The following BATF variants were observed in gnomAD, a reference collection of about 807,000 sequenced individuals.
BATF encodes the protein basic leucine zipper ATF-like transcription factor, also known as basic leucine zipper transcriptional factor ATF-like.
BATF carries 5 observed loss-of-function variants against 13.7 expected under a neutral mutation model. The observed-to-expected ratio is 0.36, with a 90% CI of 0.19 to 0.77. The LOEUF is 0.77. Among genes scored for constraint, BATF ranks in the 30% least tolerant of loss-of-function variants. The probability of loss-of-function intolerance (pLI) is 0.51; values close to 1 mark genes in which losing one functional copy is unlikely to be tolerated. For missense variants in BATF, 124 were observed against 163.0 expected, an observed-to-expected ratio of 0.76 and a Z score of 1.30; for synonymous variants, 72 against 67.5, an observed-to-expected ratio of 1.07 and a Z score of -0.33.
At chr14:75,546,208 T>G (rs775253524) in intron 2 of BATF, among the ~76,000 whole-genome samples, 1 of 152,150 alleles carries the variant, frequency 6.6e-6, no homozygotes, top group Non-Finnish European at 1.5e-5. Flanking sequence ...ATCAGCAGCT[T>G]CACGTGGTTC....
chr14:75,528,222 G>GCTA (rs1462929434), intron 2 of BATF, among the ~76,000 whole-genome samples: 2 of 152,228 alleles, frequency 1.3e-5, no homozygotes, highest in African/African-American at 4.8e-5. Context: ...GGGTTTGGGA[G>GCTA]CTACTGAGAG....
chr14:75,540,915 G>A (rs543399839), intron 2 of BATF, among the ~76,000 whole-genome samples: 10 of 152,188 alleles, frequency 6.6e-5, no homozygotes, highest in Non-Finnish European at 1.2e-4. Context: ...GTGAAACCCC[G>A]TCTCTACTAG....
intron 2 of BATF, among the ~76,000 whole-genome samples, chr14:75,535,291 C>T (rs1297738651): frequency 6.6e-6 from 1 of 152,050 alleles, no homozygotes; most frequent in Non-Finnish European, 1.5e-5. Flanking sequence ...TGGTAGCTTG[C>T]ACCCAGCTAC....
At position 75,524,929 on chromosome 14, in the gene BATF, C is replaced by T. The variant is rs539955095; in HGVS notation, c.64-155C>T. Among the ~76,000 whole-genome samples the T allele has an allele frequency of 4.6e-5, 7 of 151,912 alleles. No homozygotes were observed. In the South Asian group the frequency reaches 1.0e-3, roughly 23 times the overall value. ...GCAGGCATGGAGAAGAGCTCTCCTT[C>T]GGGTGCAGGCTTTTGGTAAATAGAG... is the stretch of plus-strand genomic sequence containing the variant. On this transcript the variant is annotated intron_variant, in intron 1 of 2. Coordinates refer to ENST00000286639, the MANE Select transcript of BATF (RefSeq NM_006399.5).
At chr14:75,525,957 T>A (rs1887648464) in intron 2 of BATF, among the ~76,000 whole-genome samples, 1 of 152,242 alleles carries the variant, frequency 6.6e-6, no homozygotes, top group Non-Finnish European at 1.5e-5. Context: ...AGTCTTATTT[T>A]GAAATTTCTG....
At chr14:75,524,664 G>C (rs1887625083) in intron 1 of BATF, among the ~76,000 whole-genome samples, 2 of 152,048 alleles carry the variant, frequency 1.3e-5, no homozygotes, top group Admixed American at 1.3e-4. Context: ...CATATAGTAG[G>C]CACTCAACAA....
At chr14:75,529,056 T>TA (rs1887694650) in intron 2 of BATF, among the ~76,000 whole-genome samples, 1 of 152,122 alleles carries the variant, frequency 6.6e-6, no homozygotes, top group Admixed American at 6.6e-5. Context: ...GAGATCCCAA[T>TA]AAAAAACCCA....
Position 75,522,635 on chromosome 14 carries a change from G to C in BATF, c.-48G>C. The stretch of plus-strand genomic sequence containing the variant: ...AGGGAGCCCAGCTGGTGACAAGAGA[G>C]CCCAGAGGTGCCTGGGGCTGAGTGT... On this transcript the variant is annotated 5_prime_UTR_variant, in exon 1 of 3. Coordinates refer to ENST00000286639, the MANE Select transcript of BATF (RefSeq NM_006399.5). 6.2e-7 allele frequency: 1 copy of C among 1,611,320 alleles called. No homozygotes were observed. The highest frequency in any genetic ancestry group is 8.5e-7 in the Non-Finnish European group (1 of 1,177,540).
In BATF at chr14:75,546,456, C is replaced by G. The variant is rs761035488; in HGVS notation, c.169-6C>G. The G allele has an allele frequency of 1.2e-6, 2 of 1,614,090 alleles. No homozygotes were observed. The highest frequency in any genetic ancestry group is 2.2e-5 in the East Asian group (1 of 44,882). On this transcript the variant is annotated splice_polypyrimidine_tract_variant and splice_region_variant and intron_variant, in intron 2 of 2. Coordinates refer to ENST00000286639, the MANE Select transcript of BATF (RefSeq NM_006399.5). Reference sequence around the variant, plus strand: ...TAACCTCCGGTGCTGATCCCCACCCCTACAGGAGAGCGAAGACCTGGAGAA... The same window carrying G: ...TAACCTCCGGTGCTGATCCCCACCCGTACAGGAGAGCGAAGACCTGGAGAA...
Position 75,524,864 on chromosome 14 carries a change from A to G in BATF, c.64-220A>G, listed in dbSNP as rs368296218. 1.2e-4 allele frequency among the ~76,000 whole-genome samples: 18 copies of G among 149,264 alleles called. No individual in the cohort carries two copies. In the East Asian group the frequency reaches 2.6e-3, roughly 21 times the overall value. On this transcript the variant is annotated intron_variant, in intron 1 of 2. Coordinates refer to ENST00000286639, the MANE Select transcript of BATF (RefSeq NM_006399.5). The stretch of plus-strand genomic sequence containing the variant: ...TCAAGTTCTCTTTTCTTTTTCCTGT[A>G]GCTATTGGTCAAAAAAGTCAGAGAC...
chr14:75,531,496 G>C (rs1315372747), intron 2 of BATF, among the ~76,000 whole-genome samples: 2 of 152,222 alleles, frequency 1.3e-5, no homozygotes, highest in Non-Finnish European at 2.9e-5. Flanking sequence ...CTGAAAGCAA[G>C]TGAGAGTAAC....
intron 1 of BATF, among the ~76,000 whole-genome samples, chr14:75,523,547 C>CA (rs1676903871): frequency 1.3e-5 from 2 of 152,022 alleles, no homozygotes; most frequent in Non-Finnish European, 2.9e-5. Context: ...TGAGGATTAC[C>CA]AAAAAAGGAG....
intron 2 of BATF, among the ~76,000 whole-genome samples, chr14:75,534,329 T>A (rs1005788601): frequency 1.3e-5 from 2 of 152,198 alleles, no homozygotes; most frequent in African/African-American, 4.8e-5. Flanking sequence ...AATACCCTAA[T>A]TTCCTATTCT....
chr14:75,529,385 G>A (rs542893643), intron 2 of BATF, among the ~76,000 whole-genome samples: 1 of 152,192 alleles, frequency 6.6e-6, no homozygotes, highest in Non-Finnish European at 1.5e-5. Context: ...TGTAATCCTA[G>A]CACTTTGGGA....
intron 2 of BATF, among the ~76,000 whole-genome samples, chr14:75,543,108 C>T (rs546138637): frequency 9.2e-5 from 14 of 152,326 alleles, no homozygotes; most frequent in African/African-American, 2.9e-4. Context: ...CCCCAGTTCC[C>T]GTCTTACCAA....
At position 75,546,159 on chromosome 14, in the gene BATF, G is replaced by A. The variant is rs367887846; in HGVS notation, c.169-303G>A. Among the ~76,000 whole-genome samples, 26 of 152,210 alleles carry A rather than the reference G, an allele frequency of 1.7e-4. No homozygotes were observed. In the East Asian group the frequency reaches 2.7e-3, roughly 16 times the overall value. ...TTACAGGGGTAAGCCACCGCGCCCG[G>A]CCTGAAATTGCTATTCTTATAGGTC... On this transcript the variant is annotated intron_variant, in intron 2 of 2. Transcript: ENST00000286639.
chr14:75,525,063 C>T, intron 1 of BATF, 21 bp from the exon 2 acceptor site: 16 of 1,591,942 alleles, frequency 1.0e-5, no homozygotes, highest in Non-Finnish European at 1.4e-5. Flanking sequence ...CCATGTAATC[C>T]TCCCCGTCTC....
chr14:75,535,278 G>T (rs1887800689), intron 2 of BATF, among the ~76,000 whole-genome samples: 1 of 152,022 alleles, frequency 6.6e-6, no homozygotes, highest in Non-Finnish European at 1.5e-5. Flanking sequence ...AATTAGCCAG[G>T]CGTGGTAGCT....
At chr14:75,529,348 A>T (rs2140035823) in intron 2 of BATF, among the ~76,000 whole-genome samples, 1 of 152,362 alleles carries the variant, frequency 6.6e-6, no homozygotes, top group South Asian at 2.1e-4. Flanking sequence ...ATAAATACAA[A>T]ATGGGCTGGG....
Sources: allele counts gnomAD v4.1 joint callset (sites outside exome capture counted in the v4.1 genomes callset), GRCh38; gene constraint gnomAD v4.1.1; transcripts MANE v1.5; gene names NCBI Gene and HGNC (gene_info 2026-07-23, HGNC 2026-07-21).